Variants in CRCP observed in about 807,000 individuals in gnomAD.
CRCP encodes the protein DNA-directed RNA polymerase III subunit RPC9.
In CRCP, 18 loss-of-function variants were observed where a neutral mutation model predicts 18.5. The observed-to-expected ratio is 0.97, with a 90% CI of 0.67 to 1.44. The LOEUF (loss-of-function observed/expected upper bound fraction) is 1.44, where lower values mean the gene tolerates loss of function less well. Ranked by LOEUF, CRCP falls within the 40% of genes most tolerant of loss-of-function variation. The pLI is 0.00. For missense variants in CRCP, 130 were observed against 176.4 expected (o/e 0.74, Z 1.49); for synonymous variants, 53 against 62.9 (o/e 0.84, Z 0.75).
intron 4 of CRCP, among the ~76,000 whole-genome samples, chr7:66,135,582 A>G (rs1787947890): frequency 6.6e-6 from 1 of 152,212 alleles, no homozygotes; most frequent in South Asian, 2.1e-4. Context: ...CAAGTTTGTT[A>G]CATATGTATA....
At chr7:66,115,513 G>A (rs190051175) in intron 1 of CRCP, among the ~76,000 whole-genome samples, 2 of 152,254 alleles carry the variant, frequency 1.3e-5, no homozygotes, top group African/African-American at 2.4e-5. Flanking sequence ...CGTGAACCAG[G>A]ACTGGGACCA....
chr7:66,130,048 T>C, intron 2 of CRCP: 1 of 305,596 alleles, frequency 3.3e-6, no homozygotes, highest in South Asian at 2.6e-5. Flanking sequence ...ATTTTTCTTT[T>C]CCAGAAAGAA....
At chr7:66,150,138 G>A (rs1278701595) in intron 5 of CRCP, among the ~76,000 whole-genome samples, 2 of 151,292 alleles carry the variant, frequency 1.3e-5, no homozygotes, top group East Asian at 4.1e-4. Flanking sequence ...GTTTTTGGCC[G>A]GGCGCGGTGG....
chr7:66,118,887 AG>A (rs1192227072), intron 1 of CRCP, among the ~76,000 whole-genome samples: 1 of 152,244 alleles, frequency 6.6e-6, no homozygotes, highest in African/African-American at 2.4e-5. Context: ...GGTGAAAGAC[AG>A]TCTTTTGTTA....
At chr7:66,125,319 T>A (rs1787587972) in intron 1 of CRCP, among the ~76,000 whole-genome samples, 2 of 149,262 alleles carry the variant, frequency 1.3e-5, no homozygotes, top group African/African-American at 4.9e-5. Context: ...AAACTGCCTT[T>A]AAAAAAATTC....
chr7:66,144,472 C>T (rs952412832), intron 4 of CRCP, among the ~76,000 whole-genome samples: 3 of 152,152 alleles, frequency 2.0e-5, no homozygotes, highest in African/African-American at 7.2e-5. Context: ...GAGATGACCA[C>T]ACAAGATGAT....
chr7:66,131,844 C>T (rs1787815583), intron 3 of CRCP, among the ~76,000 whole-genome samples: 1 of 151,862 alleles, frequency 6.6e-6, no homozygotes, highest in Non-Finnish European at 1.5e-5. Context: ...CTCGGCTCAC[C>T]TCTGGCTCCC....
intron 1 of CRCP, among the ~76,000 whole-genome samples, chr7:66,118,706 T>G (rs966955384): frequency 6.6e-6 from 1 of 152,248 alleles, no homozygotes; most frequent in Non-Finnish European, 1.5e-5. Context: ...GATGACTTAT[T>G]ATGATACCAT....
chr7:66,133,562 A>G (rs893651841), intron 3 of CRCP, among the ~76,000 whole-genome samples: 7 of 151,920 alleles, frequency 4.6e-5, no homozygotes, highest in Admixed American at 2.0e-4. Flanking sequence ...AAAAAAAGAA[A>G]AAGTTGTCTC....
intron 1 of CRCP, among the ~76,000 whole-genome samples, chr7:66,119,306 C>G (rs565402816): frequency 6.6e-6 from 1 of 152,166 alleles, no homozygotes; most frequent in African/African-American, 2.4e-5. Context: ...GCTCTGCGCC[C>G]CCTCTCTATC....
chr7:66,143,064 A>G (rs1018797618), intron 4 of CRCP, among the ~76,000 whole-genome samples: 2 of 152,068 alleles, frequency 1.3e-5, no homozygotes, highest in African/African-American at 4.8e-5. Flanking sequence ...CCTTGACTCT[A>G]TCTGTTCCCT....
At chr7:66,138,747 T>G in intron 4 of CRCP, among the ~76,000 whole-genome samples, 1 of 148,340 alleles carries the variant, frequency 6.7e-6, no homozygotes, top group East Asian at 2.0e-4. Flanking sequence ...TGAGCCAAGA[T>G]GCGCCACTGC....
Position 66,134,310 on chromosome 7 carries a change from A to AGGC in CRCP, c.176_178dup (p.Arg59dup). On this transcript the variant is annotated inframe_insertion, in exon 4 of 6. Transcript: ENST00000395326. Reference sequence around the variant, plus strand: ...AAAATACATATCAAAAACACCATGCAGGCACCAGAGTCCTGAAATTGTCAG... The same window carrying AGGC: ...AAAATACATATCAAAAACACCATGCAGGCGGCACCAGAGTCCTGAAATTGTCAG... The AGGC allele has an allele frequency of 6.2e-7, 1 of 1,607,422 alleles. No homozygotes were observed. The highest frequency in any genetic ancestry group is 8.5e-7 in the Non-Finnish European group (1 of 1,178,230).
At position 66,153,587 on chromosome 7, in the gene CRCP, C is replaced by T. The variant is rs1359652994; in HGVS notation, c.*1230C>T. ...GGATTTTCCACATTCACTTTCTTCC[C>T]TGTTTTAGGGAAGAAAATGATCATA... On this transcript the variant is annotated 3_prime_UTR_variant, in exon 6 of 6. Coordinates refer to ENST00000395326, the MANE Select transcript of CRCP (RefSeq NM_014478.5). 10 of 152,028 alleles carry T rather than the reference C, an allele frequency of 6.6e-5. No homozygotes were observed. The highest frequency in any genetic ancestry group is 5.9e-4 in the Admixed American group (9 of 15,254). The allele number at this position is 152,028 out of a possible 1,614,324, so 9.4% of individuals were successfully genotyped here.
chr7:66,120,658 C>T (rs1320669444), intron 1 of CRCP: 2 of 151,994 alleles, frequency 1.3e-5, no homozygotes, highest in African/African-American at 2.4e-5. Flanking sequence ...CGAGCTTGAA[C>T]TTCATGGATC....
At chr7:66,148,128 G>A (rs143547924) in intron 5 of CRCP, among the ~76,000 whole-genome samples, 2,281 of 152,162 alleles carry the variant, frequency 0.015, 61 homozygotes, top group East Asian at 0.092. Flanking sequence ...TTAAGAGACC[G>A]AGGTGGGTGG....
chr7:66,136,627 G>C (rs138587315), intron 4 of CRCP, among the ~76,000 whole-genome samples: 1,782 of 151,902 alleles, frequency 0.012, 22 homozygotes, highest in Non-Finnish European at 0.021. Context: ...GCTGCCCAAA[G>C]TGCTAGCATT....
In CRCP at chr7:66,154,389, C is replaced by G. The variant is rs1478728932; in HGVS notation, c.*2032C>G. ...ACAGGGTTTTGCCATATTGGCCAGG[C>G]TAGTCGTAATGTCTCTTTTTAACAC... On this transcript the variant is annotated 3_prime_UTR_variant, in exon 6 of 6. Transcript: ENST00000395326. 1 of 151,770 alleles carries G rather than the reference C, an allele frequency of 6.6e-6. No homozygotes were observed. Among genetic ancestry groups the G allele is most frequent in the Non-Finnish European group, 1.5e-5 (1 of 67,964 alleles). The allele number at this position is 151,770 out of a possible 1,614,324, so 9.4% of individuals were successfully genotyped here. A position where few individuals can be genotyped will look rare whatever the true frequency, so the allele number is the denominator to read the frequency against.
At position 66,152,560 on chromosome 7, in the gene CRCP, G is replaced by A. The variant is rs1788508291; in HGVS notation, c.*203G>A. 9 of 583,246 alleles carry A rather than the reference G, an allele frequency of 1.5e-5. No homozygotes were observed. The South Asian group carries it at 1.8e-4, about 12-fold the overall frequency. 36.1% of individuals were successfully genotyped at this position (583,246 alleles called of 1,614,324 possible). A position where few individuals can be genotyped will look rare whatever the true frequency, so the allele number is the denominator to read the frequency against. ...AACATGGTGAAAACAGGCTGAGGTT[G>A]TCAGGGCAGAGAGCTGAAGGTGGGG... On this transcript the variant is annotated 3_prime_UTR_variant, in exon 6 of 6. Coordinates refer to ENST00000395326, the MANE Select transcript of CRCP (RefSeq NM_014478.5).
Sources: gnomAD v4.1 joint callset for allele counts (sites outside exome capture counted in the v4.1 genomes callset) on GRCh38, gnomAD v4.1.1 for gene constraint, MANE v1.5 for transcripts, NCBI Gene and HGNC (gene_info 2026-07-23, HGNC 2026-07-21) for gene names.